Variants in COL14A1 observed in about 807,000 individuals in gnomAD.
COL14A1 encodes the protein collagen type XIV alpha 1 chain.
A neutral mutation model predicts 230.3 loss-of-function variants in COL14A1; 136 were observed. The ratio of observed to expected loss-of-function variants is 0.59; its 90% CI spans 0.51 to 0.68. COL14A1 has a LOEUF of 0.68. Ranked by LOEUF, COL14A1 falls within the 30% of genes least tolerant of loss-of-function variation. The pLI is 0.00. For missense variants in COL14A1, 1,976 were observed against 2,215.8 expected (o/e 0.89, Z 2.17); for synonymous variants, 792 against 784.1 (o/e 1.01, Z -0.17).
chr8:120,140,493 C>T (rs912338408), intron 1 of COL14A1, among the ~76,000 whole-genome samples: 1 of 152,060 alleles, frequency 6.6e-6, no homozygotes, highest in Non-Finnish European at 1.5e-5. Context: ...ATAACAATCT[C>T]CCTCAGGGCA....
intron 14 of COL14A1, among the ~76,000 whole-genome samples, chr8:120,221,349 T>C (rs1426504262): frequency 6.6e-6 from 1 of 152,164 alleles, no homozygotes; most frequent in Non-Finnish European, 1.5e-5. Flanking sequence ...TCCTCAAATT[T>C]TTCTTCTACA....
At chr8:120,249,549 C>G (rs906092811) in intron 21 of COL14A1, among the ~76,000 whole-genome samples, 6 of 152,126 alleles carry the variant, frequency 3.9e-5, no homozygotes, top group African/African-American at 1.4e-4. Context: ...ATCAGGCTTT[C>G]TAAGCACAAA....
chr8:120,177,051 A>G (rs1045531277), intron 5 of COL14A1, among the ~76,000 whole-genome samples: 6 of 152,192 alleles, frequency 3.9e-5, no homozygotes, highest in Admixed American at 1.3e-4. Context: ...AGAATGCATA[A>G]CCTTGGGCCT....
Position 120,205,255 on chromosome 8 carries a change from G to A in COL14A1, c.1039+1385G>A, listed in dbSNP as rs183320876. On this transcript the variant is annotated intron_variant, in intron 9 of 47. Coordinates refer to ENST00000297848, the MANE Select transcript of COL14A1 (RefSeq NM_021110.4). ...AGTCTGTATCTGTTGGTGTTTCTAG[G>A]TTGCCAGATACTTTAGCTCCATGTC... is the stretch of plus-strand genomic sequence containing the variant. 1.2e-3 allele frequency among the ~76,000 whole-genome samples: 183 copies of A among 152,232 alleles called. 1 individual carries two copies. The highest frequency in any genetic ancestry group is 4.1e-3 in the African/African-American group (169 of 41,544).
chr8:120,208,114 G>A (rs1817499949), intron 10 of COL14A1, 118 bp from the exon 11 acceptor site: 2 of 1,016,282 alleles, frequency 2.0e-6, no homozygotes, highest in South Asian at 3.8e-5. Context: ...AGGGGGATGT[G>A]GCACAAACAA....
chr8:120,331,994 C>T (rs1423439764), intron 40 of COL14A1, 147 bp from the exon 41 acceptor site: 2 of 619,246 alleles, frequency 3.2e-6, no homozygotes, highest in Non-Finnish European at 5.6e-6. Flanking sequence ...AAACAATTTC[C>T]ATGAAGAGTT....
chr8:120,203,869 A>G lies in COL14A1; in HGVS notation c.1038A>G (p.Lys346=). 3.7e-6 allele frequency: 6 copies of G among 1,613,216 alleles called. No individual in the cohort carries two copies. Among genetic ancestry groups the G allele is most frequent in the Non-Finnish European group, 5.1e-6 (6 of 1,179,374 alleles). Reference sequence around the variant, plus strand: ...TGGAAGAACAGGACAGAGAAATTAAAGGTAAAATGAGTGACAGAGCAGTCC... The same window carrying G: ...TGGAAGAACAGGACAGAGAAATTAAGGGTAAAATGAGTGACAGAGCAGTCC... ...SRVEEQDREI[K]ASAHAITGPP... is the part of the protein sequence containing the mutation. The change falls in exon 9 of 48, where the codon AAA becomes AAG. Residue 346 remains lysine (K), a splice_region_variant and synonymous_variant. Transcript: ENST00000297848.
At chr8:120,246,147 C>T (rs1051224044) in intron 20 of COL14A1, among the ~76,000 whole-genome samples, 3 of 152,112 alleles carry the variant, frequency 2.0e-5, no homozygotes, top group African/African-American at 7.2e-5. Context: ...TTCTGAAGCC[C>T]AGAGTCCTGA....
At chr8:120,258,553 C>A (rs550970580) in intron 23 of COL14A1, among the ~76,000 whole-genome samples, 1 of 151,628 alleles carries the variant, frequency 6.6e-6, no homozygotes, top group South Asian at 2.1e-4. Context: ...GGAATGGATG[C>A]AAAGAAAGAG....
intron 45 of COL14A1, among the ~76,000 whole-genome samples, chr8:120,346,309 C>G (rs938661277): frequency 1.3e-5 from 2 of 152,126 alleles, no homozygotes; most frequent in Non-Finnish European, 2.9e-5. Flanking sequence ...CTAAGATATT[C>G]CATTCCAGAA....
chr8:120,348,574 G>A (rs1338992017), intron 45 of COL14A1, among the ~76,000 whole-genome samples: 2 of 152,002 alleles, frequency 1.3e-5, no homozygotes, highest in Non-Finnish European at 2.9e-5. Flanking sequence ...TACAAATAGG[G>A]TATAGTGTAT....
At chr8:120,366,306 T>A (rs372568674) in intron 45 of COL14A1, among the ~76,000 whole-genome samples, 1 of 152,228 alleles carries the variant, frequency 6.6e-6, no homozygotes, top group East Asian at 1.9e-4. Flanking sequence ...CCTTCTAGGC[T>A]TTGCCAATTC....
intron 2 of COL14A1, among the ~76,000 whole-genome samples, chr8:120,151,561 A>G (rs941406256): frequency 6.8e-6 from 1 of 147,818 alleles, no homozygotes; most frequent in African/African-American, 2.5e-5. Context: ...AATTGCCTGA[A>G]CCTGGGAGGT....
At chr8:120,157,448 G>T (rs904391477) in intron 2 of COL14A1, among the ~76,000 whole-genome samples, 10 of 152,262 alleles carry the variant, frequency 6.6e-5, no homozygotes, top group Admixed American at 1.3e-4. Context: ...CAGTAGAGTA[G>T]ATTATAGAAG....
At chr8:120,192,835 C>T (rs1816874928) in intron 5 of COL14A1, among the ~76,000 whole-genome samples, 1 of 152,216 alleles carries the variant, frequency 6.6e-6, no homozygotes, top group Admixed American at 6.5e-5. Context: ...CAGTTGATCG[C>T]ATTGGCTCCT....
At chr8:120,225,663 C>A (rs867557393) in intron 15 of COL14A1, among the ~76,000 whole-genome samples, 1 of 151,990 alleles carries the variant, frequency 6.6e-6, no homozygotes, top group Non-Finnish European at 1.5e-5. Context: ...AGCCTGAAAT[C>A]TTCATATAAT....
chr8:120,226,818 T>A, intron 16 of COL14A1, 52 bp downstream of exon 16: 1 of 1,541,138 alleles, frequency 6.5e-7, no homozygotes, highest in Non-Finnish European at 8.9e-7. Flanking sequence ...AGTGAATACC[T>A]ACTGCTGCTG....
rs778910513 is a variant in COL14A1, at chr8:120,280,944, G to A, written c.3709G>A (p.Gly1237Ser). 1 of 1,599,372 alleles carries A rather than the reference G, an allele frequency of 6.3e-7. No homozygotes were observed. Among genetic ancestry groups the A allele is most frequent in the Non-Finnish European group, 8.5e-7 (1 of 1,172,702 alleles). Reference protein sequence around the residue: ...LAGFKMMEMFGLVEKDFSSVE... With the variant: ...LAGFKMMEMFSLVEKDFSSVE... ...AGGATTTAAGATGATGGAAATGTTT[G>A]GTTTGGTTGAAAAAGATTTTTCATC... is the stretch of plus-strand genomic sequence containing the variant. The change falls in exon 31 of 48, where the codon GGT (glycine) becomes AGT (serine). Residue 1237 changes from glycine to serine, a missense_variant. This residue lies in a region of COL14A1 where 1,791 missense variants were observed against 2,019.5 expected (regional missense o/e 0.89). Coordinates refer to ENST00000297848, the MANE Select transcript of COL14A1 (RefSeq NM_021110.4).
rs1822670415 is a variant in COL14A1 at position 120,349,627 on chromosome 8, AG to A, written c.5077+4067del. Among the ~76,000 whole-genome samples, 3 of 142,380 alleles carry A rather than the reference AG, an allele frequency of 2.1e-5. No homozygotes were observed. The South Asian group carries it at 7.0e-4, about 33-fold the overall frequency. The allele number at this position is 142,380 out of a possible 152,430, so 93.4% of individuals were successfully genotyped here. A position where few individuals can be genotyped will look rare whatever the true frequency, so the allele number is the denominator to read the frequency against. On this transcript the variant is annotated intron_variant, in intron 45 of 47. Transcript: ENST00000297848. ...GAGCCGATGCGATCAACTGGAAGAA[AG>A]GGTATCAGCAATGGAAGATGAAATG...
Sources: gnomAD v4.1 joint callset for allele counts (sites outside exome capture counted in the v4.1 genomes callset) on GRCh38, gnomAD v4.1.1 for gene constraint, gnomAD v4.1.1 regional missense constraint, MANE v1.5 for transcripts, NCBI Gene and HGNC (gene_info 2026-07-23, HGNC 2026-07-21) for gene names.